Variants in RTF1 observed in about 807,000 individuals in gnomAD.
RTF1 encodes the protein RNA polymerase-associated protein RTF1 homolog.
Under a neutral mutation model 95.7 loss-of-function variants are expected in RTF1, and 10 were observed. The observed-to-expected ratio is 0.10, with a 90% CI of 0.06 to 0.18. The LOEUF is 0.18. Among genes scored for constraint, RTF1 ranks in the 10% least tolerant of loss-of-function variants. RTF1 has a pLI of 1.00. For missense variants in RTF1, 458 were observed against 875.6 expected (o/e 0.52, Z 6.02); for synonymous variants, 305 against 311.8 (o/e 0.98, Z 0.23).
At position 41,423,004 on chromosome 15, in the gene RTF1, C is replaced by T. The variant is rs527670112; in HGVS notation, c.198+5691C>T. On this transcript the variant is annotated intron_variant, in intron 1 of 17. Coordinates refer to ENST00000389629, the MANE Select transcript of RTF1 (RefSeq NM_015138.5). ...GGCCAGGCTGGTCTTGAACTCCTGACCTCGTGATCCACCCTCCTCGGCCTC... is the reference window on the plus strand; with the variant it reads ...GGCCAGGCTGGTCTTGAACTCCTGATCTCGTGATCCACCCTCCTCGGCCTC... Among the ~76,000 whole-genome samples the T allele has an allele frequency of 1.1e-4, 17 of 152,268 alleles. No homozygotes were observed. The South Asian group carries it at 2.7e-3, about 24-fold the overall frequency.
rs1339443871 is a variant in RTF1 at position 41,480,723 on chromosome 15, C to T, written c.*36C>T. 2 of 1,426,738 alleles carry T rather than the reference C, an allele frequency of 1.4e-6. No homozygotes were observed. The highest frequency in any genetic ancestry group is 2.0e-6 in the Non-Finnish European group (2 of 1,009,488). The allele number at this position is 1,426,738 out of a possible 1,614,324, so 88.4% of individuals were successfully genotyped here. On this transcript the variant is annotated 3_prime_UTR_variant, in exon 18 of 18. Coordinates refer to ENST00000389629, the MANE Select transcript of RTF1 (RefSeq NM_015138.5). ...CCTGCTGCTTCTGACCCTGCATGCC[C>T]CATCGCAGCGTCCCACCTTTCCTCC... is the stretch of plus-strand genomic sequence containing the variant.
chr15:41,451,216 G>A (rs1193214511), intron 2 of RTF1, among the ~76,000 whole-genome samples: 3 of 152,100 alleles, frequency 2.0e-5, no homozygotes, highest in Admixed American at 2.0e-4. Context: ...GATATTAGAT[G>A]TAGAAATATT....
intron 1 of RTF1, among the ~76,000 whole-genome samples, chr15:41,432,892 C>T (rs972477250): frequency 2.0e-5 from 3 of 150,144 alleles, no homozygotes; most frequent in Admixed American, 6.7e-5. Flanking sequence ...GAGCCGGGAT[C>T]GCACCATTGC....
chr15:41,478,018 A>G (rs893007375), intron 14 of RTF1, among the ~76,000 whole-genome samples: 1 of 152,176 alleles, frequency 6.6e-6, no homozygotes, highest in African/African-American at 2.4e-5. Context: ...AGGCACGAGA[A>G]TCACTTGAAC....
intron 1 of RTF1, among the ~76,000 whole-genome samples, chr15:41,432,130 A>G (rs1378823052): frequency 6.6e-6 from 1 of 150,742 alleles, no homozygotes; most frequent in Non-Finnish European, 1.5e-5. Context: ...TTAATGTAGT[A>G]GAAGAGGGAT....
At chr15:41,438,038 A>G (rs2050713876) in intron 1 of RTF1, among the ~76,000 whole-genome samples, 1 of 152,156 alleles carries the variant, frequency 6.6e-6, no homozygotes, top group Non-Finnish European at 1.5e-5. Flanking sequence ...TTAGGGTAGA[A>G]TCAGGAACAG....
Position 41,466,313 on chromosome 15 carries a change from A to C in RTF1, c.889+61A>C, listed in dbSNP as rs2050880197. ...TATATGATTTGACTTCCTGGTGTCC[A>C]TTTTCATTTTGCCCTCTTGTTATAT... On this transcript the variant is annotated intron_variant, in intron 6 of 17. Transcript: ENST00000389629. The C allele has an allele frequency of 4.5e-6, 5 of 1,123,000 alleles. No homozygotes were observed. In the South Asian group the frequency reaches 8.3e-5, roughly 19 times the overall value. 69.6% of individuals were successfully genotyped at this position (1,123,000 alleles called of 1,614,324 possible).
intron 6 of RTF1, among the ~76,000 whole-genome samples, chr15:41,469,945 C>G (rs2050901475): frequency 6.6e-6 from 1 of 152,158 alleles, no homozygotes; most frequent in Non-Finnish European, 1.5e-5. Flanking sequence ...GTCTTTCCCC[C>G]TCTTTCCTCC....
intron 4 of RTF1, among the ~76,000 whole-genome samples, chr15:41,461,920 C>CTTT (rs1225221132): frequency 7.4e-6 from 1 of 134,288 alleles, no homozygotes; most frequent in African/African-American, 2.7e-5. Flanking sequence ...ATTTTTTTTT[C>CTTT]TTTTTTTTTT....
chr15:41,426,606 T>A (rs34665396), intron 1 of RTF1, among the ~76,000 whole-genome samples: 32,560 of 135,710 alleles, frequency 0.24, 3,910 homozygotes, highest in Non-Finnish European at 0.27. Context: ...TGCCTGGCCA[T>A]TTTTTTGTAT....
rs890702551 is a variant in RTF1 at position 41,475,499 on chromosome 15, G to A, written c.1287-26G>A. On this transcript the variant is annotated intron_variant, in intron 9 of 17. Transcript: ENST00000389629. ...ACTACAGTCAACATGCACATTTCTTGGAGATGCTGTCTCTCTTTTATGTAG... is the reference window on the plus strand; with the variant it reads ...ACTACAGTCAACATGCACATTTCTTAGAGATGCTGTCTCTCTTTTATGTAG... 3 of 1,593,910 alleles carry A rather than the reference G, an allele frequency of 1.9e-6. No homozygotes were observed. The Admixed American group carries it at 5.0e-5, about 27-fold the overall frequency.
chr15:41,437,486 A>G (rs186005676), intron 1 of RTF1, among the ~76,000 whole-genome samples: 24 of 152,074 alleles, frequency 1.6e-4, no homozygotes, highest in African/African-American at 5.5e-4. Context: ...ACACAGCGAG[A>G]CTCTGTCTCA....
chr15:41,442,369 G>A (rs1404385811), intron 2 of RTF1, among the ~76,000 whole-genome samples: 4 of 151,736 alleles, frequency 2.6e-5, no homozygotes, highest in Admixed American at 2.6e-4. Flanking sequence ...GGGTTTTACA[G>A]TGCTAGCCAG....
chr15:41,441,742 G>A (rs948850716), intron 2 of RTF1, among the ~76,000 whole-genome samples: 1 of 152,172 alleles, frequency 6.6e-6, no homozygotes, highest in Non-Finnish European at 1.5e-5. Flanking sequence ...AGAAATGAGC[G>A]TTTGAGTGAC....
intron 1 of RTF1, among the ~76,000 whole-genome samples, chr15:41,419,825 T>G (rs2050591076): frequency 6.6e-6 from 1 of 152,208 alleles, no homozygotes; most frequent in African/African-American, 2.4e-5. Context: ...ACTTTATTTA[T>G]TTATTTATTT....
Position 41,482,061 on chromosome 15 carries a change from CAG to C in RTF1, c.*1377_*1378del, listed in dbSNP as rs1461215792. On this transcript the variant is annotated 3_prime_UTR_variant, in exon 18 of 18. Coordinates refer to ENST00000389629, the MANE Select transcript of RTF1 (RefSeq NM_015138.5). Reference sequence around the variant, plus strand: ...TGCCACTGCACTCCAGTCTGGGTGACAGAGTGAGACTCCGCCTCAAAAAGATT... The same window carrying C: ...TGCCACTGCACTCCAGTCTGGGTGACAGTGAGACTCCGCCTCAAAAAGATT... The C allele has an allele frequency of 6.6e-6, 1 of 152,262 alleles. No individual in the cohort carries two copies. Among genetic ancestry groups the C allele is most frequent in the Non-Finnish European group, 1.5e-5 (1 of 68,104 alleles). 9.4% of individuals were successfully genotyped at this position (152,262 alleles called of 1,614,324 possible).
intron 9 of RTF1, 120 bp from the exon 10 acceptor site, chr15:41,475,405 C>G: frequency 2.7e-6 from 2 of 740,324 alleles, no homozygotes; most frequent in South Asian, 3.5e-5. Context: ...TATAGGGTAG[C>G]TAGGATTGAG....
At chr15:41,462,885 A>G (rs2050858311) in intron 4 of RTF1, among the ~76,000 whole-genome samples, 1 of 152,174 alleles carries the variant, frequency 6.6e-6, no homozygotes, top group Non-Finnish European at 1.5e-5. Context: ...CCTCCCAAGT[A>G]GCTGGGACTA....
At chr15:41,453,992 C>T (rs1179600296) in intron 3 of RTF1, among the ~76,000 whole-genome samples, 3 of 152,184 alleles carry the variant, frequency 2.0e-5, no homozygotes, top group Non-Finnish European at 4.4e-5. Context: ...ATTGTACTCA[C>T]ATACTTTTTC....
Sources: allele counts gnomAD v4.1 joint callset (sites outside exome capture counted in the v4.1 genomes callset), GRCh38; gene constraint gnomAD v4.1.1; transcripts MANE v1.5; gene names NCBI Gene and HGNC (gene_info 2026-07-23, HGNC 2026-07-21).